EGFL6: variants seen among roughly 807,000 people sequenced by gnomAD.
EGFL6 encodes epidermal growth factor-like protein 6.
A neutral mutation model predicts 43.1 loss-of-function variants in EGFL6; 42 were observed. That is an observed-to-expected ratio of 0.98 (90% CI 0.76 to 1.26). The LOEUF (loss-of-function observed/expected upper bound fraction) is 1.26, where lower values mean the gene tolerates loss of function less well. Among genes scored for constraint, EGFL6 ranks in the 50% most tolerant of loss-of-function variants. The pLI is 0.00. For missense variants in EGFL6, 429 were observed against 427.8 expected, an observed-to-expected ratio of 1.00 and a Z score of -0.02; for synonymous variants, 164 against 163.2, an observed-to-expected ratio of 1.01 and a Z score of -0.04.
intron 1 of EGFL6, among the ~76,000 whole-genome samples, chrX:13,571,503 G>C (rs1454639000): frequency 2.7e-5 from 3 of 111,794 alleles, no homozygotes; most frequent in South Asian, 7.6e-4. Context: ...TGCGTTGCTA[G>C]AAAGCCCACT....
chrX:13,617,791 C>A lies in EGFL6; in HGVS notation c.840C>A (p.Ile280=). ...LRAPGTIKDR[I]KKLLAHKNSM... The stretch of plus-strand genomic sequence containing the variant: ...CACCTGGTACCATCAAAGACAGAAT[C>A]AAGAAGTTGCTTGCTCACAAAAACA... The change falls in exon 8 of 12, where the codon ATC becomes ATA. Residue 280 remains isoleucine, a synonymous_variant. Coordinates refer to ENST00000361306, the MANE Select transcript of EGFL6 (RefSeq NM_015507.4). 8.3e-7 allele frequency: 1 copy of A among 1,211,378 alleles called. No individual in the cohort carries two copies. Among genetic ancestry groups the A allele is most frequent in the Non-Finnish European group, 1.1e-6 (1 of 895,314 alleles).
At chrX:13,630,312 T>C (rs2045803921) in intron 11 of EGFL6, among the ~76,000 whole-genome samples, 1 of 111,733 alleles carries the variant, frequency 8.9e-6, no homozygotes, top group Non-Finnish European at 1.9e-5. Context: ...GAGGTAAAAA[T>C]ATAGTGAAAA....
chrX:13,594,161 T>A (rs1398411482), intron 2 of EGFL6, among the ~76,000 whole-genome samples: 1 of 111,854 alleles, frequency 8.9e-6, no homozygotes, highest in Admixed American at 9.5e-5. Flanking sequence ...AAATTGTCCA[T>A]CATCTTTGAC....
Position 13,614,281 on chromosome X carries a change from A to G in EGFL6, c.779-3449A>G, listed in dbSNP as rs752770178. ...TGATCCTCTGTGATGGAGAACTCAC[A>G]GAGTTTGCCCTCCTCAGCAAACTCT... On this transcript the variant is annotated intron_variant, in intron 7 of 11. Coordinates refer to ENST00000361306, the MANE Select transcript of EGFL6 (RefSeq NM_015507.4). 3.6e-5 allele frequency among the ~76,000 whole-genome samples: 4 copies of G among 111,964 alleles called. No individual in the cohort carries two copies. The East Asian group carries it at 8.4e-4, about 23-fold the overall frequency.
chrX:13,616,743 A>G (rs1411278393), intron 7 of EGFL6, among the ~76,000 whole-genome samples: 3 of 112,745 alleles, frequency 2.7e-5, no homozygotes, highest in Non-Finnish European at 5.6e-5. Flanking sequence ...CATCGACAAG[A>G]CAAGAGTCCT....
At chrX:13,625,805 G>A (rs1208644216) in intron 10 of EGFL6, among the ~76,000 whole-genome samples, 1 of 106,787 alleles carries the variant, frequency 9.4e-6, no homozygotes, top group African/African-American at 3.5e-5. Context: ...AGGATCACTT[G>A]GGCCCAGGCA....
rs761478873 is a variant in EGFL6, at chrX:13,608,456, A to G, written c.778+10A>G. 104 of 1,206,999 alleles carry G rather than the reference A, an allele frequency of 8.6e-5. No individual in the cohort carries two copies. In the Admixed American group the frequency reaches 2.3e-3, roughly 26 times the overall value. ...GGACTTCGGTGTTCTGGTAAGTAGC[A>G]TTTGGTCATGGTGTCTTAGCTATTC... On this transcript the variant is annotated intron_variant, in intron 7 of 11. Transcript: ENST00000361306.
intron 11 of EGFL6, among the ~76,000 whole-genome samples, chrX:13,632,164 G>A (rs1425042988): frequency 2.7e-5 from 3 of 109,224 alleles, no homozygotes; most frequent in African/African-American, 1.0e-4. Context: ...TAATTAGGCC[G>A]GGCACGGTGG....
Position 13,618,033 on chromosome X carries a change from G to C in EGFL6, c.1082G>C (p.Ser361Thr). 1 of 1,195,303 alleles carries C rather than the reference G, an allele frequency of 8.4e-7. No individual in the cohort carries two copies. The highest frequency in any genetic ancestry group is 1.1e-6 in the Non-Finnish European group (1 of 887,348). ...KALKNDIEER[S>T]LRGDVFFPKV... ...CTGAAGAATGACATAGAGGAGCGAAGCCTGCGAGGAGATGTGTTTTGTGAG... is the reference window on the plus strand; with the variant it reads ...CTGAAGAATGACATAGAGGAGCGAACCCTGCGAGGAGATGTGTTTTGTGAG... Residue 361 changes from serine to threonine, a missense_variant, in exon 8 of 12, where the codon AGC becomes ACC. Transcript: ENST00000361306.
chrX:13,628,507 C>T (rs1334945317), intron 11 of EGFL6, among the ~76,000 whole-genome samples: 1 of 110,646 alleles, frequency 9.0e-6, no homozygotes, highest in African/African-American at 3.3e-5. Context: ...CCACTGTGGA[C>T]GTTATAAAGA....
intron 9 of EGFL6, among the ~76,000 whole-genome samples, chrX:13,619,883 T>A (rs1406070175): frequency 9.0e-6 from 1 of 111,307 alleles, no homozygotes; most frequent in Non-Finnish European, 1.9e-5. Context: ...CCATGTGGTC[T>A]CTCATCCTCC....
rs187742479 is a variant in EGFL6, at chrX:13,625,662, C to T, written c.1286-1349C>T. 9.2e-3 allele frequency among the ~76,000 whole-genome samples: 991 copies of T among 108,058 alleles called. 7 individuals carry two copies. Among genetic ancestry groups the T allele is most frequent in the South Asian group, 0.027 (66 of 2,475 alleles). 93.8% of individuals were successfully genotyped at this position (108,058 alleles called of 115,157 possible). A position where few individuals can be genotyped will look rare whatever the true frequency, so the allele number is the denominator to read the frequency against. On this transcript the variant is annotated intron_variant, in intron 10 of 11. Transcript: ENST00000361306. ...TCGCACTATTGCACTCCAGCCTGGG[C>T]GACAGAACAAGACTCCATCTCCAAG...
chrX:13,574,153 A>G (rs1020070556), intron 1 of EGFL6, among the ~76,000 whole-genome samples: 3 of 112,194 alleles, frequency 2.7e-5, no homozygotes, highest in Non-Finnish European at 5.6e-5. Context: ...AATCCTAGTT[A>G]TCCCTTGTGA....
chrX:13,626,071 T>C (rs1057164880), intron 10 of EGFL6, among the ~76,000 whole-genome samples: 1 of 111,436 alleles, frequency 9.0e-6, no homozygotes, highest in African/African-American at 3.3e-5. Context: ...AGGATGGCTA[T>C]ATTTCAGACA....
In EGFL6 at chrX:13,632,948, G is replaced by A. The variant is rs747179905; in HGVS notation, c.1552-37G>A. The A allele has an allele frequency of 4.4e-6, 5 of 1,140,904 alleles. No individual in the cohort carries two copies. The South Asian group carries it at 9.2e-5, about 21-fold the overall frequency. 94.0% of individuals were successfully genotyped at this position (1,140,904 alleles called of 1,213,427 possible). A position where few individuals can be genotyped will look rare whatever the true frequency, so the allele number is the denominator to read the frequency against. The stretch of plus-strand genomic sequence containing the variant: ...CTTGATTATATCATTGTTTTGAACA[G>A]TTTGGAGTAATTTTTTTATTCTCTC... On this transcript the variant is annotated intron_variant, in intron 11 of 11. Transcript: ENST00000361306.
rs2045429889 is a variant in EGFL6, at chrX:13,569,834, A to G, written c.-28A>G. The stretch of plus-strand genomic sequence containing the variant: ...GCCGGCGCCCTCCCGAGGGGGGCTC[A>G]GGAGGAGGAAGGAGGACCCGTGCGA... On this transcript the variant is annotated 5_prime_UTR_variant, in exon 1 of 12. Coordinates refer to ENST00000361306, the MANE Select transcript of EGFL6 (RefSeq NM_015507.4). 3 of 1,201,346 alleles carry G rather than the reference A, an allele frequency of 2.5e-6. No homozygotes were observed. The highest frequency in any genetic ancestry group is 2.3e-6 in the Non-Finnish European group (2 of 886,291).
Position 13,573,945 on chromosome X carries a change from C to T in EGFL6, c.74+4010C>T, listed in dbSNP as rs759861645. The stretch of plus-strand genomic sequence containing the variant: ...ATATGTAGAGTAAGTGCTCCATCCA[C>T]CCAGTACCACCACTTTCCTTTCTAA... On this transcript the variant is annotated intron_variant, in intron 1 of 11. Coordinates refer to ENST00000361306, the MANE Select transcript of EGFL6 (RefSeq NM_015507.4). Among the ~76,000 whole-genome samples, 9 of 112,510 alleles carry T rather than the reference C, an allele frequency of 8.0e-5. No homozygotes were observed. The Admixed American group carries it at 8.4e-4, about 11-fold the overall frequency.
intron 5 of EGFL6, among the ~76,000 whole-genome samples, chrX:13,605,578 C>CA (rs61513005): frequency 0.34 from 20,157 of 60,098 alleles, 2,605 homozygotes; most frequent in Middle Eastern, 0.44. Flanking sequence ...GGCCTTGTCT[C>CA]AAAAAAAAAA....
chrX:13,603,116 G>A, intron 4 of EGFL6, among the ~76,000 whole-genome samples: 1 of 111,697 alleles, frequency 9.0e-6, no homozygotes, highest in South Asian at 3.8e-4. Context: ...CAGACCATGA[G>A]TAGGATTCAG....
Sources: allele counts gnomAD v4.1 joint callset (sites outside exome capture counted in the v4.1 genomes callset), GRCh38; gene constraint gnomAD v4.1.1; transcripts MANE v1.5; gene names NCBI Gene and HGNC (gene_info 2026-07-23, HGNC 2026-07-21).